POU3F3: variants seen among roughly 807,000 people sequenced by gnomAD.
POU3F3 encodes POU class 3 homeobox 3, also known as POU domain, class 3, transcription factor 3.
A neutral mutation model predicts 8.6 loss-of-function variants in POU3F3; 1 was observed. The observed-to-expected ratio is 0.12, with a 90% CI of 0.04 to 0.55. The LOEUF (loss-of-function observed/expected upper bound fraction) is 0.55, where lower values mean the gene tolerates loss of function less well. Ranked by LOEUF, POU3F3 falls within the 20% of genes least tolerant of loss-of-function variation. The pLI is 0.91. For synonymous variants in POU3F3, 418 were observed against 327.4 expected (o/e 1.28, Z -2.99); for missense variants, 577 against 690.7 (o/e 0.84, Z 1.84).
chr2:104,903,390 A>G, the POU3F3 span, among the ~76,000 whole-genome samples: 1 of 152,202 alleles, frequency 6.6e-6, no homozygotes, highest in African/African-American at 2.4e-5. Flanking sequence ...TATAATGAGA[A>G]TCTGAATTAT....
At chr2:104,864,479 C>T in the POU3F3 span, among the ~76,000 whole-genome samples, 1 of 152,190 alleles carries the variant, frequency 6.6e-6, no homozygotes, top group Non-Finnish European at 1.5e-5. Flanking sequence ...AACAGTGGAA[C>T]TGAAACCATA....
chr2:104,906,898 C>G, the POU3F3 span, among the ~76,000 whole-genome samples: 2 of 152,264 alleles, frequency 1.3e-5, no homozygotes, highest in East Asian at 3.9e-4. Context: ...CCTGTTGCCA[C>G]CTCACCACCA....
At chr2:104,885,667 T>C in the POU3F3 span, among the ~76,000 whole-genome samples, 1 of 152,188 alleles carries the variant, frequency 6.6e-6, no homozygotes, top group South Asian at 2.1e-4. Context: ...GTTCTGGGAA[T>C]TGCTCACCCC....
Position 104,854,418 on chromosome 2 carries a change from TTCC to T in POU3F3, c.-1085_-1083del, listed in dbSNP as rs1046611361. 2.2e-4 allele frequency among the ~76,000 whole-genome samples: 33 copies of T among 152,304 alleles called. No homozygotes were observed. The highest frequency in any genetic ancestry group is 1.2e-3 in the Admixed American group (18 of 15,296). On this transcript the variant is annotated 5_prime_UTR_variant, in exon 1 of 1. Transcript: ENST00000361360. The surrounding 1 kb of genome is among the most constrained non-coding windows in gnomAD (Gnocchi z 4.5). ...CTCCACCTCCACCAATGCACTCTTCTTCCTCCTCCTTCTCCAGACAACTGCTGG... is the reference window on the plus strand; with the variant it reads ...CTCCACCTCCACCAATGCACTCTTCTTCCTCCTTCTCCAGACAACTGCTGG...
the POU3F3 span, among the ~76,000 whole-genome samples, chr2:104,917,799 C>A: frequency 6.6e-6 from 1 of 152,164 alleles, no homozygotes; most frequent in Non-Finnish European, 1.5e-5. Context: ...CTTATCCCTC[C>A]CTTGCTGGGG....
Position 104,858,075 on chromosome 2 carries a change from A to G in POU3F3, c.*1062A>G, listed in dbSNP as rs1279287960. The stretch of plus-strand genomic sequence containing the variant: ...CACCGCTAATATTTTTTTTATTAAT[A>G]TTTTTTATTTTTTATTTCTGGACTG... On this transcript the variant is annotated 3_prime_UTR_variant, in exon 1 of 1. Transcript: ENST00000361360. The G allele has an allele frequency of 1.3e-5, 2 of 152,146 alleles. No homozygotes were observed. The highest frequency in any genetic ancestry group is 6.5e-5 in the Admixed American group (1 of 15,280). 9.4% of individuals were successfully genotyped at this position (152,146 alleles called of 1,614,324 possible).
At chr2:104,863,294 A>G (rs1403704432), downstream of POU3F3, among the ~76,000 whole-genome samples, 1 of 151,606 alleles carries the variant, frequency 6.6e-6, no homozygotes, top group Non-Finnish European at 1.5e-5. Context: ...AGAAAGTCCA[A>G]GGAATTGAGG....
chr2:104,884,986 G>A, the POU3F3 span, among the ~76,000 whole-genome samples: 5 of 152,072 alleles, frequency 3.3e-5, no homozygotes, highest in African/African-American at 7.2e-5. Flanking sequence ...TTGGTGGGAC[G>A]GGCAAGGAGC....
chr2:104,886,959 A>G, the POU3F3 span, among the ~76,000 whole-genome samples: 588 of 151,886 alleles, frequency 3.9e-3, 8 homozygotes, highest in African/African-American at 0.013. Flanking sequence ...AAAGCAAAGG[A>G]AAAAAAAGGC....
At chr2:104,878,150 T>G in the POU3F3 span, among the ~76,000 whole-genome samples, 2 of 152,184 alleles carry the variant, frequency 1.3e-5, no homozygotes, top group African/African-American at 2.4e-5. Context: ...TTGGCTGGTT[T>G]CTAGTAGGTC....
chr2:104,923,214 C>T, the POU3F3 span, among the ~76,000 whole-genome samples: 1 of 152,148 alleles, frequency 6.6e-6, no homozygotes, highest in Non-Finnish European at 1.5e-5. Context: ...AAATAAAGAA[C>T]TCAGTAAAAG....
the POU3F3 span, among the ~76,000 whole-genome samples, chr2:104,876,101 G>A: frequency 6.6e-5 from 10 of 152,166 alleles, no homozygotes; most frequent in Non-Finnish European, 1.5e-5. Context: ...AACACTATTG[G>A]ATGATTATGT....
At chr2:104,918,380 C>A in the POU3F3 span, among the ~76,000 whole-genome samples, 2 of 152,204 alleles carry the variant, frequency 1.3e-5, no homozygotes, top group Admixed American at 6.5e-5. Flanking sequence ...CCCCAAAATT[C>A]ATATGTTCAA....
the POU3F3 span, among the ~76,000 whole-genome samples, chr2:104,900,368 T>C: frequency 2.6e-5 from 4 of 152,340 alleles, no homozygotes; most frequent in East Asian, 5.8e-4. Flanking sequence ...AGAAGAACCG[T>C]GAGCAGGAGA....
the POU3F3 span, among the ~76,000 whole-genome samples, chr2:104,918,129 A>G: frequency 6.6e-6 from 1 of 152,182 alleles, no homozygotes; most frequent in Non-Finnish European, 1.5e-5. Flanking sequence ...CTCCCTTTGG[A>G]ACACACTCAC....
the POU3F3 span, among the ~76,000 whole-genome samples, chr2:104,868,616 C>T: frequency 2.0e-5 from 3 of 152,172 alleles, no homozygotes; most frequent in Non-Finnish European, 4.4e-5. Flanking sequence ...CTATCCACCC[C>T]GCACCCCTGC....
In POU3F3 at chr2:104,854,915, C is replaced by A. The variant is rs1294496164; in HGVS notation, c.-596C>A. ...CGGTTGCTGGTCATCCGTAATTTGG[C>A]TAAGGAAGAAAGGAGCAGCTTCTTT... On this transcript the variant is annotated 5_prime_UTR_variant, in exon 1 of 1. Coordinates refer to ENST00000361360, the MANE Select transcript of POU3F3 (RefSeq NM_006236.3). This position sits in a 1 kb window ranked among gnomAD's most constrained non-coding sequence, Gnocchi z 4.5. Among the ~76,000 whole-genome samples the A allele has an allele frequency of 1.3e-5, 2 of 152,204 alleles. No homozygotes were observed. Among genetic ancestry groups the A allele is most frequent in the African/African-American group, 4.8e-5 (2 of 41,464 alleles).
At chr2:104,910,868 C>T in the POU3F3 span, among the ~76,000 whole-genome samples, 1 of 151,886 alleles carries the variant, frequency 6.6e-6, no homozygotes, top group African/African-American at 2.4e-5. Flanking sequence ...AATAAAAAGA[C>T]AAATACAACA....
chr2:104,856,119 C>T lies in POU3F3; in HGVS notation c.609C>T (p.Ala203=). The T allele has an allele frequency of 8.7e-7, 1 of 1,152,386 alleles. No homozygotes were observed. The highest frequency in any genetic ancestry group is 1.1e-6 in the Non-Finnish European group (1 of 940,724). The allele number at this position is 1,152,386 out of a possible 1,614,324, so 71.4% of individuals were successfully genotyped here. ...AAAAAAAAAA[A]AHLPSMAGGQ... ...CCGCAGCCGCCGCCGCCGCCGCCGC[C>T]GCGCACCTCCCGTCCATGGCCGGGG... Residue 203 remains alanine, a synonymous_variant, in exon 1 of 1, where the codon GCC becomes GCT. Coordinates refer to ENST00000361360, the MANE Select transcript of POU3F3 (RefSeq NM_006236.3).
Sources: allele counts gnomAD v4.1 joint callset (sites outside exome capture counted in the v4.1 genomes callset), GRCh38; gene constraint gnomAD v4.1.1; non-coding constraint Gnocchi (gnomAD v3.1); transcripts MANE v1.5; gene names NCBI Gene and HGNC (gene_info 2026-07-23, HGNC 2026-07-21).